ANO10: variants seen among roughly 807,000 people sequenced by gnomAD.
The protein encoded by ANO10 is anoctamin 10.
A neutral mutation model predicts 74.7 loss-of-function variants in ANO10; 77 were observed. That is an observed-to-expected ratio of 1.03 (90% CI 0.86 to 1.25). ANO10 has a LOEUF of 1.25. Ranked by LOEUF, ANO10 falls within the 50% of genes most tolerant of loss-of-function variation. The pLI is 0.00. For synonymous variants in ANO10, 279 were observed against 284.9 expected (o/e 0.98, Z 0.21); for missense variants, 721 against 778.1 (o/e 0.93, Z 0.87).
chr3:43,596,865 C>A (rs1256203744), intron 4 of ANO10, among the ~76,000 whole-genome samples: 6 of 152,234 alleles, frequency 3.9e-5, no homozygotes, highest in African/African-American at 1.4e-4. Context: ...ATCTATCCAT[C>A]TGACAAAGGG....
rs74955996 is a variant in ANO10 at position 43,564,407 on chromosome 3, T to C, written c.1293+1246A>G. ...AAAATGTACAACTATGTATGTATTA[T>C]TAAAAAAAAAATAGAAAAAAAGAGC... is the stretch of plus-strand genomic sequence containing the variant. On this transcript the variant is annotated intron_variant, in intron 8 of 12. Transcript: ENST00000292246. Among the ~76,000 whole-genome samples the C allele has an allele frequency of 2.7e-5, 4 of 150,792 alleles. No individual in the cohort carries two copies. In the South Asian group the frequency reaches 8.3e-4, roughly 31 times the overall value.
intron 7 of ANO10, among the ~76,000 whole-genome samples, chr3:43,571,458 G>A (rs2080710836): frequency 6.6e-6 from 1 of 151,832 alleles, no homozygotes; most frequent in Non-Finnish European, 1.5e-5. Context: ...ATGATAGACT[G>A]GATTAAGAAA....
At chr3:43,619,857 G>A (rs1395639563) in intron 1 of ANO10, among the ~76,000 whole-genome samples, 1 of 142,036 alleles carries the variant, frequency 7.0e-6, no homozygotes, top group Non-Finnish European at 1.5e-5. Context: ...GCAACAGAGT[G>A]AGACCTTGTC....
At chr3:43,683,455 C>G (rs900107814) in intron 1 of ANO10, among the ~76,000 whole-genome samples, 7 of 152,168 alleles carry the variant, frequency 4.6e-5, no homozygotes, top group African/African-American at 1.7e-4. Flanking sequence ...GAAGAACATT[C>G]CATGCTCATG....
chr3:43,439,716 A>C (rs376780946), intron 11 of ANO10, among the ~76,000 whole-genome samples: 18 of 151,708 alleles, frequency 1.2e-4, no homozygotes, highest in African/African-American at 4.4e-4. Context: ...CCTGTCTCAC[A>C]AAAAAAATAC....
chr3:43,552,511 A>G (rs1487965024), intron 10 of ANO10, among the ~76,000 whole-genome samples: 1 of 151,864 alleles, frequency 6.6e-6, no homozygotes, highest in Non-Finnish European at 1.5e-5. Flanking sequence ...TTTGTTTACT[A>G]ATATTTTTGG....
chr3:43,471,492 A>G (rs2075857307), intron 11 of ANO10, among the ~76,000 whole-genome samples: 1 of 152,172 alleles, frequency 6.6e-6, no homozygotes, highest in Admixed American at 6.5e-5. Flanking sequence ...TAAATTCCAC[A>G]TGTAACCAGT....
intron 11 of ANO10, among the ~76,000 whole-genome samples, chr3:43,514,307 A>C (rs978992087): frequency 3.9e-5 from 6 of 152,180 alleles, no homozygotes; most frequent in Non-Finnish European, 1.5e-5. Flanking sequence ...GGATGTAAAA[A>C]GTCATATTGT....
At chr3:43,383,093 C>T (rs946427559) in intron 12 of ANO10, among the ~76,000 whole-genome samples, 14 of 152,090 alleles carry the variant, frequency 9.2e-5, no homozygotes, top group African/African-American at 3.4e-4. Flanking sequence ...GACCAATATC[C>T]CTGATGAACA....
chr3:43,629,952 CAGTTATAGA>C (rs1270539053), intron 1 of ANO10, among the ~76,000 whole-genome samples: 2 of 152,072 alleles, frequency 1.3e-5, no homozygotes, highest in Non-Finnish European at 2.9e-5. Flanking sequence ...GTTGTGAGTG[CAGTTATAGA>C]AGGGAAGAGG....
upstream of ANO10, among the ~76,000 whole-genome samples, chr3:43,625,794 A>T (rs146312170): frequency 3.1e-3 from 474 of 152,164 alleles, 5 homozygotes; most frequent in African/African-American, 0.01. Context: ...GATTTATCTT[A>T]TGCTACTTTG....
At chr3:43,414,967 CTTTTTTTTTTTT>C (rs60554785) in intron 12 of ANO10, among the ~76,000 whole-genome samples, 4 of 66,594 alleles carry the variant, frequency 6.0e-5, no homozygotes, top group East Asian at 4.0e-4. Flanking sequence ...TGTCATTGTG[CTTTTTTTTTTTT>C]TTTTTTTTTT....
intron 11 of ANO10, among the ~76,000 whole-genome samples, chr3:43,491,120 C>T (rs2076704076): frequency 6.6e-6 from 1 of 152,134 alleles, no homozygotes; most frequent in Non-Finnish European, 1.5e-5. Flanking sequence ...TGTGCATGCT[C>T]ATCTCCCAAG....
chr3:43,452,911 A>T (rs2074942665), intron 11 of ANO10, among the ~76,000 whole-genome samples: 1 of 152,136 alleles, frequency 6.6e-6, no homozygotes, highest in African/African-American at 2.4e-5. Context: ...AGTGGATTTG[A>T]TCTGTAGTTC....
At chr3:43,610,183 A>T (rs1188476094) in intron 1 of ANO10, among the ~76,000 whole-genome samples, 2 of 152,124 alleles carry the variant, frequency 1.3e-5, no homozygotes, top group African/African-American at 4.8e-5. Flanking sequence ...ACATTAACCT[A>T]GATCTACACA....
intron 1 of ANO10, among the ~76,000 whole-genome samples, chr3:43,657,612 C>A (rs1368905537): frequency 6.6e-6 from 1 of 152,226 alleles, no homozygotes; most frequent in Admixed American, 6.5e-5. Flanking sequence ...AATAAAGAGA[C>A]AGAAAACTAG....
chr3:43,543,574 G>A (rs1310714985), intron 11 of ANO10, among the ~76,000 whole-genome samples: 2 of 152,066 alleles, frequency 1.3e-5, no homozygotes, highest in African/African-American at 2.4e-5. Flanking sequence ...ATTTTTAGTA[G>A]AGACGGGGTT....
At chr3:43,612,801 C>CT (rs892871018) in intron 1 of ANO10, among the ~76,000 whole-genome samples, 9 of 151,882 alleles carry the variant, frequency 5.9e-5, no homozygotes, top group Middle Eastern at 3.4e-3. Context: ...AACCATTCAA[C>CT]TTTTTTTTTC....
intron 11 of ANO10, among the ~76,000 whole-genome samples, chr3:43,515,256 T>C (rs2149195790): frequency 6.6e-6 from 1 of 152,276 alleles, no homozygotes; most frequent in East Asian, 1.9e-4. Context: ...AGTATTTGAA[T>C]CCATAGACTG....
Sources: gnomAD v4.1 joint callset for allele counts (sites outside exome capture counted in the v4.1 genomes callset) on GRCh38, gnomAD v4.1.1 for gene constraint, MANE v1.5 for transcripts, NCBI Gene and HGNC (gene_info 2026-07-23, HGNC 2026-07-21) for gene names.